The following IZUMO3 variants were observed in gnomAD, a reference collection of about 807,000 sequenced individuals.
IZUMO3 encodes the protein izumo sperm-egg fusion protein 3.
Under a neutral mutation model 28.4 loss-of-function variants are expected in IZUMO3, and 36 were observed. That is an observed-to-expected ratio of 1.27 (90% CI 0.97 to 1.67). The LOEUF (loss-of-function observed/expected upper bound fraction) is 1.67, where lower values mean the gene tolerates loss of function less well. Ranked by LOEUF, IZUMO3 falls within the 40% of genes most tolerant of loss-of-function variation. The probability of loss-of-function intolerance (pLI) is 0.00; values close to 1 mark genes in which losing one functional copy is unlikely to be tolerated. For missense variants in IZUMO3, 387 were observed against 278.5 expected (o/e 1.39, Z -2.77); for synonymous variants, 126 against 99.2 (o/e 1.27, Z -1.61).
At position 24,543,206 on chromosome 9, in the gene IZUMO3, A is replaced by T. The variant is rs1396319170; in HGVS notation, c.*23T>A. The T allele has an allele frequency of 1.3e-6, 2 of 1,521,630 alleles. No individual in the cohort carries two copies. Among genetic ancestry groups the T allele is most frequent in the East Asian group, 5.0e-5 (2 of 39,654 alleles). 94.3% of individuals were successfully genotyped at this position (1,521,630 alleles called of 1,614,324 possible). On this transcript the variant is annotated 3_prime_UTR_variant, in exon 7 of 7. Coordinates refer to ENST00000543880, the MANE Select transcript of IZUMO3 (RefSeq NM_001365008.2). ...TCAACACTTAAGAGAATCATGAAAG[A>T]CTTCTTGTCCATGTTGATGTGTTTA...
At position 24,545,768 on chromosome 9, in the gene IZUMO3, T is replaced by G. The variant is rs1339616540; in HGVS notation, c.-119A>C. 1 of 1,533,766 alleles carries G rather than the reference T, an allele frequency of 6.5e-7. No individual in the cohort carries two copies. The highest frequency in any genetic ancestry group is 8.8e-7 in the Non-Finnish European group (1 of 1,140,500). On this transcript the variant is annotated 5_prime_UTR_variant, in exon 1 of 7. Coordinates refer to ENST00000543880, the MANE Select transcript of IZUMO3 (RefSeq NM_001365008.2). ...GTTCTGGATAGTCTGACTCCACTTT[T>G]CCCGCTGTTTCCATCCCACTATCGG... is the stretch of plus-strand genomic sequence containing the variant.
chr9:24,545,398 C>G (rs751871195), intron 1 of IZUMO3, 26 bp downstream of exon 1: 1 of 1,544,008 alleles, frequency 6.5e-7, no homozygotes, highest in Non-Finnish European at 8.7e-7. Context: ...AGCCCCTGGA[C>G]TCTCAGGAAC....
Position 24,545,561 on chromosome 9 carries a change from T to G in IZUMO3, c.89A>C (p.Glu30Ala). The change falls in exon 1 of 7, where the codon GAG becomes GCG. Residue 30 changes from glutamate to alanine, a missense_variant. Transcript: ENST00000543880. Reference protein sequence around the residue: ...GCLECDPKFIEDVGSLLGNLI... With the variant: ...GCLECDPKFIADVGSLLGNLI... The stretch of plus-strand genomic sequence containing the variant: ...ATTTCCCAGCAAGGAGCCAACATCC[T>G]CTATAAATTTGGGGTCACATTCTAA... 6.5e-7 allele frequency: 1 copy of G among 1,535,360 alleles called. No homozygotes were observed. The highest frequency in any genetic ancestry group is 8.7e-7 in the Non-Finnish European group (1 of 1,146,700).
chr9:24,543,169 T>A lies in IZUMO3; in HGVS notation c.*60A>T. The A allele has an allele frequency of 7.3e-7, 1 of 1,373,316 alleles. No individual in the cohort carries two copies. The highest frequency in any genetic ancestry group is 2.7e-5 in the East Asian group (1 of 36,998). The allele number at this position is 1,373,316 out of a possible 1,614,324, so 85.1% of individuals were successfully genotyped here. ...CCAAGAAAGGGTTTACCTCCCAGTT[T>A]TGTACTTAGAGTCAACACTTAAGAG... On this transcript the variant is annotated 3_prime_UTR_variant, in exon 7 of 7. Coordinates refer to ENST00000543880, the MANE Select transcript of IZUMO3 (RefSeq NM_001365008.2).
In IZUMO3 at chr9:24,544,242, A is replaced by G. The variant is rs548729233; in HGVS notation, c.449T>C (p.Leu150Pro). Residue 150 changes from leucine (L) to proline (P), a missense_variant, in exon 5 of 7, where the codon CTT (leucine) becomes CCT (proline). Transcript: ENST00000543880. Reference sequence around the variant, plus strand: ...TTTGAAGCACCTGTTAGTCATGCGAAGACACGTCCAACAATCAAGAATGGG... The same window carrying G: ...TTTGAAGCACCTGTTAGTCATGCGAGGACACGTCCAACAATCAAGAATGGG... ...EGPILDCWTC[L>P]RMTNRCFKGE... 6.4e-7 allele frequency: 1 copy of G among 1,550,394 alleles called. No homozygotes were observed. The highest frequency in any genetic ancestry group is 1.2e-5 in the South Asian group (1 of 84,060).
chr9:24,543,421 T>G (rs1266801290), intron 6 of IZUMO3, 54 bp from the exon 7 acceptor site: 1 of 698,508 alleles, frequency 1.4e-6, no homozygotes, highest in Admixed American at 3.8e-5. Context: ...CCCCATTCTT[T>G]AAGCCAGTTA....
At chr9:24,544,306 A>G in intron 4 of IZUMO3, 25 bp from the exon 5 acceptor site, 1 of 1,507,486 alleles carries the variant, frequency 6.6e-7, no homozygotes. Context: ...AAGAAAGATA[A>G]TCAGAAAGAG....
Position 24,543,038 on chromosome 9 carries a change from A to T in IZUMO3, c.*191T>A. On this transcript the variant is annotated 3_prime_UTR_variant, in exon 7 of 7. Transcript: ENST00000543880. ...ATTACTTTCTGTACAACTCTGGCCA[A>T]ATTATTTGCTCTCCCATTACTTCCG... 1 of 476,682 alleles carries T rather than the reference A, an allele frequency of 2.1e-6. No individual in the cohort carries two copies. Among genetic ancestry groups the T allele is most frequent in the Non-Finnish European group, 3.6e-6 (1 of 277,652 alleles). 29.5% of individuals were successfully genotyped at this position (476,682 alleles called of 1,614,324 possible). A position where few individuals can be genotyped will look rare whatever the true frequency, so the allele number is the denominator to read the frequency against.
In IZUMO3 at chr9:24,545,788, T is replaced by C; in HGVS notation, c.-139A>G. The stretch of plus-strand genomic sequence containing the variant: ...ACTTTTCCCGCTGTTTCCATCCCAC[T>C]ATCGGGCAATCTTTAGTTGTTTAGT... On this transcript the variant is annotated 5_prime_UTR_variant, in exon 1 of 7. It adds an upstream start codon to the 5' untranslated region. Transcript: ENST00000543880. The C allele has an allele frequency of 6.5e-7, 1 of 1,539,532 alleles. No homozygotes were observed. Among genetic ancestry groups the C allele is most frequent in the Non-Finnish European group, 8.8e-7 (1 of 1,142,502 alleles).
Position 24,544,271 on chromosome 9 carries a change from T to C in IZUMO3, c.420A>G (p.Glu140=). 2 of 1,549,216 alleles carry C rather than the reference T, an allele frequency of 1.3e-6. No homozygotes were observed. Among genetic ancestry groups the C allele is most frequent in the Non-Finnish European group, 1.7e-6 (2 of 1,145,694 alleles). ...ACGTCCAACAATCAAGAATGGGACC[T>C]TCAACCACAACTGATAAAGAGGAGA... The part of the protein sequence containing the change: ...IACSEDCIVV[E]GPILDCWTCL... The change falls in exon 5 of 7, where the codon GAA becomes GAG. Residue 140 remains glutamate, a synonymous_variant. Coordinates refer to ENST00000543880, the MANE Select transcript of IZUMO3 (RefSeq NM_001365008.2).
rs949717164 is a variant in IZUMO3 at position 24,544,991 on chromosome 9, T to C, written c.372A>G (p.Leu124=). Residue 124 remains leucine, a synonymous_variant, in exon 3 of 7, where the codon CTA becomes CTG. Transcript: ENST00000543880. ...QNLESKLKEL[L]KNFSEIACSE... Reference sequence around the variant, plus strand: ...ACTTACCAATTTCAGAGAAGTTCTTTAGTAATTCTTTCAGTTTGGATTCCA... The same window carrying C: ...ACTTACCAATTTCAGAGAAGTTCTTCAGTAATTCTTTCAGTTTGGATTCCA... The C allele has an allele frequency of 7.7e-6, 12 of 1,550,048 alleles. No homozygotes were observed. The Admixed American group carries it at 1.6e-4, about 20-fold the overall frequency.
At position 24,543,691 on chromosome 9, in the gene IZUMO3, G is replaced by C; in HGVS notation, c.554C>G (p.Ala185Gly). 1 of 1,548,834 alleles carries C rather than the reference G, an allele frequency of 6.5e-7. No homozygotes were observed. The highest frequency in any genetic ancestry group is 8.7e-7 in the Non-Finnish European group (1 of 1,145,618). The change falls in exon 6 of 7, where the codon GCT becomes GGT. Residue 185 changes from alanine to glycine, a missense_variant. Coordinates refer to ENST00000543880, the MANE Select transcript of IZUMO3 (RefSeq NM_001365008.2). The stretch of plus-strand genomic sequence containing the variant: ...TAACACAGCACTTCCCAGTATTACA[G>C]CTGTTGCCAGCAATATGAGAAATAG... ...IALFLILLAT[A>G]VILGSAVLLF... is the part of the protein sequence containing the mutation.
intron 6 of IZUMO3, 68 bp from the exon 7 acceptor site, chr9:24,543,435 ATTGTTTTT>A: frequency 1.2e-4 from 9 of 75,194 alleles, no homozygotes; most frequent in South Asian, 2.9e-4. Context: ...CCAGTTATAC[ATTGTTTTT>A]TTTTTTTTTT....
At position 24,544,745 on chromosome 9, in the gene IZUMO3, C is replaced by G. The variant is rs999555815; in HGVS notation, c.407G>C (p.Cys136Ser). ...NFSEIACSEDCIVVEGPILDC... is the reference protein window; with the variant it reads ...NFSEIACSEDSIVVEGPILDC... ...GGCGTCACATGTACTGTACTCACTG[C>G]AATCTTCAGAACAAGCTAGAAGAGA... The change falls in exon 4 of 7, where the codon TGC becomes TCC. Residue 136 changes from cysteine (C) to serine (S), a missense_variant and splice_region_variant. Physicochemically the swap from Cys to Ser is moderately radical, Grantham distance 112. Transcript: ENST00000543880. 3.9e-6 allele frequency: 6 copies of G among 1,550,004 alleles called. No individual in the cohort carries two copies. Among genetic ancestry groups the G allele is most frequent in the African/African-American group, 1.4e-5 (1 of 73,002 alleles).
chr9:24,544,246 A>T lies in IZUMO3; in HGVS notation c.445T>A (p.Cys149Ser), dbSNP rs1192582465. The change falls in exon 5 of 7, where the codon TGT becomes AGT. Residue 149 changes from cysteine (C) to serine (S), a missense_variant. Transcript: ENST00000543880. Reference protein sequence around the residue: ...VEGPILDCWTCLRMTNRCFKG... With the variant: ...VEGPILDCWTSLRMTNRCFKG... ...AAGCACCTGTTAGTCATGCGAAGAC[A>T]CGTCCAACAATCAAGAATGGGACCT... is the stretch of plus-strand genomic sequence containing the variant. 6.5e-7 allele frequency: 1 copy of T among 1,550,364 alleles called. No individual in the cohort carries two copies. The highest frequency in any genetic ancestry group is 8.7e-7 in the Non-Finnish European group (1 of 1,146,678).
chr9:24,543,584 T>A (rs1392200321), intron 6 of IZUMO3, 80 bp downstream of exon 6: 2 of 1,128,198 alleles, frequency 1.8e-6, no homozygotes, highest in Admixed American at 4.5e-5. Flanking sequence ...TTATTTCCAT[T>A]TGGAGGAAGA....
intron 2 of IZUMO3, 65 bp from the exon 3 acceptor site, chr9:24,545,126 T>C: frequency 2.0e-6 from 3 of 1,476,598 alleles, no homozygotes; most frequent in East Asian, 2.5e-5. Flanking sequence ...GTTAATTATG[T>C]CTGTTTTTAT....
In IZUMO3 at chr9:24,544,759, A is replaced by G. The variant is rs1331176360; in HGVS notation, c.393T>C (p.Ala131=). 1.9e-6 allele frequency: 3 copies of G among 1,550,152 alleles called. No individual in the cohort carries two copies. Among genetic ancestry groups the G allele is most frequent in the Non-Finnish European group, 2.6e-6 (3 of 1,146,666 alleles). Residue 131 remains alanine, a splice_region_variant and synonymous_variant, in exon 4 of 7, where the codon GCT becomes GCC. Transcript: ENST00000543880. ...TGTACTCACTGCAATCTTCAGAACA[A>G]GCTAGAAGAGAATCAGAAAGTTCTA... The part of the protein sequence containing the change: ...KELLKNFSEI[A]CSEDCIVVEG...
At chr9:24,543,465 T>TTTTTTTTG in intron 6 of IZUMO3, 98 bp from the exon 7 acceptor site, 1 of 879,130 alleles carries the variant, frequency 1.1e-6, no homozygotes, top group African/African-American at 1.9e-5. Context: ...TTTTTTTTTT[T>TTTTTTTTG]TTTTTTTGCT....
Sources: gnomAD v4.1 joint callset for allele counts on GRCh38, gnomAD v4.1.1 for gene constraint, MANE v1.5 for transcripts, NCBI Gene and HGNC (gene_info 2026-07-23, HGNC 2026-07-21) for gene names.